The following SEC23B variants were observed in gnomAD, a reference collection of about 807,000 sequenced individuals.
The protein encoded by SEC23B is SEC23 homolog B, COPII component.
A neutral mutation model predicts 104.3 loss-of-function variants in SEC23B; 77 were observed. The observed-to-expected ratio is 0.74, with a 90% confidence interval of 0.61 to 0.89. SEC23B has a LOEUF of 0.89. SEC23B is among the 40% of genes least tolerant of loss of function. The pLI, the probability that SEC23B is intolerant of heterozygous loss-of-function variation, is 0.00. For synonymous variants in SEC23B, 338 were observed against 332.5 expected (o/e 1.02, Z -0.18); for missense variants, 885 against 949.4 (o/e 0.93, Z 0.89).
At chr20:18,546,539 G>A (rs2060334049) in intron 15 of SEC23B, among the ~76,000 whole-genome samples, 1 of 152,250 alleles carries the variant, frequency 6.6e-6, no homozygotes, top group South Asian at 2.1e-4. Flanking sequence ...AGAGAGAGGA[G>A]CAGGAGAAGT....
In SEC23B at chr20:18,526,528, C is replaced by A. The variant is rs147177828; in HGVS notation, c.990C>A (p.Thr330=). 1 of 1,614,052 alleles carries A rather than the reference C, an allele frequency of 6.2e-7. No homozygotes were observed. The highest frequency in any genetic ancestry group is 8.5e-7 in the Non-Finnish European group (1 of 1,179,974). Residue 330 remains threonine, a synonymous_variant, in exon 8 of 20, where the codon ACC becomes ACA. Transcript: ENST00000650089. ...ATGCACGATTCATGAAAAAGGCAACCAAGGTAGGTGCTCTTGGGTATGGGC... is the reference window on the plus strand; with the variant it reads ...ATGCACGATTCATGAAAAAGGCAACAAAGGTAGGTGCTCTTGGGTATGGGC... ...KDNARFMKKA[T]KHYEMLANRT...
intron 4 of SEC23B, among the ~76,000 whole-genome samples, chr20:18,522,149 A>G (rs1222914035): frequency 6.6e-6 from 1 of 152,184 alleles, no homozygotes; most frequent in Non-Finnish European, 1.5e-5. Context: ...GGGTAGAGAC[A>G]CGGAGTAGGG....
chr20:18,513,202 G>A (rs1444603091), intron 3 of SEC23B, among the ~76,000 whole-genome samples: 1 of 151,910 alleles, frequency 6.6e-6, no homozygotes, highest in Non-Finnish European at 1.5e-5. Context: ...TAAAAAATTA[G>A]CTGGACATGG....
In SEC23B at chr20:18,556,241, A is replaced by G. The variant is rs2122181631; in HGVS notation, c.2214+1068A>G. 1.3e-5 allele frequency among the ~76,000 whole-genome samples: 2 copies of G among 152,228 alleles called. 1 individual carries two copies. Among genetic ancestry groups the G allele is most frequent in the South Asian group, 4.2e-4 (2 of 4,816 alleles). ...TCCTAACAGGCCAAGGACTGGTACTATCCGTGGCCTGCAGTTGGGGACCCC... is the reference window on the plus strand; with the variant it reads ...TCCTAACAGGCCAAGGACTGGTACTGTCCGTGGCCTGCAGTTGGGGACCCC... On this transcript the variant is annotated intron_variant, in intron 19 of 19. Coordinates refer to ENST00000650089, the MANE Select transcript of SEC23B (RefSeq NM_006363.6).
At position 18,532,759 on chromosome 20, in the gene SEC23B, T is replaced by TC; in HGVS notation, c.1314+17dup. 1 of 1,581,668 alleles carries TC rather than the reference T, an allele frequency of 6.3e-7. No individual in the cohort carries two copies. The highest frequency in any genetic ancestry group is 8.7e-7 in the Non-Finnish European group (1 of 1,149,956). On this transcript the variant is annotated intron_variant, in intron 11 of 19. Transcript: ENST00000650089. ...TGTCAGAAAATGTAAGGAAAACAAC[T>TC]CCATCACCCTCACCTCCTGCCCCGG...
intron 17 of SEC23B, among the ~76,000 whole-genome samples, chr20:18,551,645 T>C (rs573559537): frequency 2.0e-5 from 3 of 151,558 alleles, no homozygotes; most frequent in South Asian, 2.1e-4. Context: ...ACCCGGGAGG[T>C]TGAGGTTGTA....
intron 11 of SEC23B, 92 bp downstream of exon 11, chr20:18,532,836 T>G: frequency 1.1e-6 from 1 of 916,982 alleles, no homozygotes; most frequent in Non-Finnish European, 1.8e-6. Flanking sequence ...GTGTCACCTG[T>G]TGGATGTGTC....
At chr20:18,559,384 A>G (rs189612932) in intron 19 of SEC23B, among the ~76,000 whole-genome samples, 131 of 152,268 alleles carry the variant, frequency 8.6e-4, no homozygotes, top group African/African-American at 3.1e-3. Context: ...AATGGCCTCT[A>G]CTGACACCAC....
chr20:18,557,752 T>C (rs1302981222), intron 19 of SEC23B, among the ~76,000 whole-genome samples: 5 of 149,792 alleles, frequency 3.3e-5, no homozygotes, highest in African/African-American at 1.2e-4. Flanking sequence ...TTTCTTTTTT[T>C]TTTTTTTTTG....
rs771385487 is a variant in SEC23B, at chr20:18,510,992, C to G, written c.157C>G (p.Pro53Ala). 6.2e-6 allele frequency: 10 copies of G among 1,614,050 alleles called. No homozygotes were observed. In the Admixed American group the frequency reaches 1.7e-4, roughly 27 times the overall value. Residue 53 changes from proline to alanine, a missense_variant, in exon 2 of 20, where the codon CCT becomes GCT. Pro to Ala is a conservative substitution (Grantham distance 27, BLOSUM62 -1). Transcript: ENST00000650089. ...TPLKERPDLP[P>A]VQYEPVLCSR... ...TTTGAAAGAACGTCCAGACCTACCT[C>G]CTGTACAATATGAACCTGTGCTTTG... is the stretch of plus-strand genomic sequence containing the variant.
chr20:18,526,593 GGA>G, intron 8 of SEC23B, 62 bp downstream of exon 8: 1 of 1,565,012 alleles, frequency 6.4e-7, no homozygotes, highest in Non-Finnish European at 8.8e-7. Flanking sequence ...GGGCTGCTCT[GGA>G]GTGACAGCTA....
chr20:18,532,665 C>T lies in SEC23B; in HGVS notation c.1235C>T (p.Thr412Ile), dbSNP rs1399495767. Residue 412 changes from threonine to isoleucine, a missense_variant and splice_region_variant, in exon 11 of 20, where the codon ACC becomes ATC. Coordinates refer to ENST00000650089, the MANE Select transcript of SEC23B (RefSeq NM_006363.6). ...MAFGATLDVK[T>I]SRELKIAGAI... ...TACACTGTCACATATTTGTTATAGA[C>T]CTCTCGGGAACTGAAGATTGCAGGA... The T allele has an allele frequency of 6.2e-7, 1 of 1,610,356 alleles. No individual in the cohort carries two copies. Among genetic ancestry groups the T allele is most frequent in the Non-Finnish European group, 8.5e-7 (1 of 1,176,584 alleles).
intron 3 of SEC23B, among the ~76,000 whole-genome samples, chr20:18,514,966 G>A (rs190696858): frequency 1.3e-5 from 2 of 152,252 alleles, no homozygotes; most frequent in East Asian, 3.9e-4. Context: ...TGATGAGATA[G>A]GTGAAATCTC....
At chr20:18,557,876 C>T (rs1449908495) in intron 19 of SEC23B, among the ~76,000 whole-genome samples, 1 of 151,636 alleles carries the variant, frequency 6.6e-6, no homozygotes, top group Non-Finnish European at 1.5e-5. Context: ...CTCAGCCTCC[C>T]GAGTAGCTGG....
Position 18,510,997 on chromosome 20 carries a change from A to G in SEC23B, c.162A>G (p.Val54=), listed in dbSNP as rs759889859. The change falls in exon 2 of 20, where the codon GTA becomes GTG. Residue 54 remains valine (V), a synonymous_variant. Coordinates refer to ENST00000650089, the MANE Select transcript of SEC23B (RefSeq NM_006363.6). ...AAGAACGTCCAGACCTACCTCCTGT[A>G]CAATATGAACCTGTGCTTTGCAGCA... is the stretch of plus-strand genomic sequence containing the variant. ...PLKERPDLPP[V]QYEPVLCSRP... is the part of the protein sequence containing the mutation. 6.8e-6 allele frequency: 11 copies of G among 1,614,044 alleles called. No homozygotes were observed. The East Asian group carries it at 2.5e-4, about 36-fold the overall frequency.
chr20:18,543,223 T>A, intron 14 of SEC23B, 51 bp downstream of exon 14: 1 of 1,610,164 alleles, frequency 6.2e-7, no homozygotes, highest in Non-Finnish European at 8.5e-7. Context: ...TGCTTTACTT[T>A]CGAGAAGAAA....
chr20:18,518,858 T>C (rs573891405), intron 4 of SEC23B, among the ~76,000 whole-genome samples: 1 of 152,152 alleles, frequency 6.6e-6, no homozygotes, highest in Non-Finnish European at 1.5e-5. Context: ...GAAGAGTTTT[T>C]ATTAAAGAGA....
intron 13 of SEC23B, 83 bp from the exon 14 acceptor site, chr20:18,542,936 G>A: frequency 6.4e-7 from 1 of 1,556,788 alleles, no homozygotes; most frequent in Non-Finnish European, 8.9e-7. Flanking sequence ...ACTGCACCTA[G>A]CCTGTGTTTC....
intron 15 of SEC23B, among the ~76,000 whole-genome samples, chr20:18,546,871 A>G (rs567853253): frequency 1.4e-5 from 2 of 147,154 alleles, no homozygotes; most frequent in African/African-American, 2.5e-5. Context: ...CACCTCTAGC[A>G]GTGGGGAGTT....
Sources: allele counts gnomAD v4.1 joint callset (sites outside exome capture counted in the v4.1 genomes callset), GRCh38; gene constraint gnomAD v4.1.1; transcripts MANE v1.5; gene names NCBI Gene and HGNC (gene_info 2026-07-23, HGNC 2026-07-21).